Variants in RABGAP1L observed in about 807,000 individuals in gnomAD.
RABGAP1L encodes rab GTPase-activating protein 1-like.
RABGAP1L carries 63 observed loss-of-function variants against 137.7 expected under a neutral mutation model. The observed-to-expected ratio is 0.46, with a 90% CI of 0.37 to 0.56. The LOEUF is 0.56. RABGAP1L is among the 20% of genes least tolerant of loss of function. The pLI is 0.00. For missense variants in RABGAP1L, 1,095 were observed against 1,244.0 expected, an observed-to-expected ratio of 0.88 and a Z score of 1.80; for synonymous variants, 431 against 433.7, an observed-to-expected ratio of 0.99 and a Z score of 0.08.
intron 19 of RABGAP1L, among the ~76,000 whole-genome samples, chr1:174,948,390 C>T (rs948593643): frequency 4.7e-5 from 7 of 149,784 alleles, no homozygotes; most frequent in Non-Finnish European, 8.9e-5. Flanking sequence ...GGTATGGTGG[C>T]GGGTGCTTGT....
chr1:174,479,999 T>G (rs1658922357), intron 13 of RABGAP1L, among the ~76,000 whole-genome samples: 1 of 152,212 alleles, frequency 6.6e-6, no homozygotes, highest in Admixed American at 6.5e-5. Context: ...GTTCTCATGT[T>G]TTTTGTTGAA....
chr1:174,976,224 T>C, intron 22 of RABGAP1L, 42 bp downstream of exon 22: 1 of 1,441,592 alleles, frequency 6.9e-7, no homozygotes, highest in African/African-American at 1.4e-5. Flanking sequence ...CAAAGGTATG[T>C]TGGTAGGGAA....
At chr1:174,195,798 T>C (rs868678251) in intron 1 of RABGAP1L, among the ~76,000 whole-genome samples, 2 of 128,610 alleles carry the variant, frequency 1.6e-5, no homozygotes, top group African/African-American at 5.3e-5. Flanking sequence ...TCTTTCTTTC[T>C]TTCTTTCTTT....
intron 17 of RABGAP1L, among the ~76,000 whole-genome samples, chr1:174,714,063 CA>C (rs1446068319): frequency 6.6e-6 from 1 of 152,162 alleles, no homozygotes; most frequent in Non-Finnish European, 1.5e-5. Context: ...CAGTGGTATC[CA>C]AAGGTCAGCC....
intron 7 of RABGAP1L, among the ~76,000 whole-genome samples, chr1:174,269,689 G>C (rs189355788): frequency 6.6e-6 from 1 of 152,288 alleles, no homozygotes; most frequent in African/African-American, 2.4e-5. Context: ...AGTGAAGTCA[G>C]CTATTCACTA....
intron 18 of RABGAP1L, among the ~76,000 whole-genome samples, chr1:174,772,355 A>G (rs1366615308): frequency 1.3e-5 from 2 of 152,024 alleles, no homozygotes; most frequent in African/African-American, 4.8e-5. Flanking sequence ...AGGTGGGTGG[A>G]TCACCTGAGG....
At position 174,463,759 on chromosome 1, in the gene RABGAP1L, ACAATGAGATACCATCTCACAC is replaced by A. The variant is rs543203596; in HGVS notation, c.1710+69617_1710+69637del. Among the ~76,000 whole-genome samples the A allele has an allele frequency of 9.8e-4, 149 of 152,222 alleles. 1 individual carries two copies. Among genetic ancestry groups the A allele is most frequent in the African/African-American group, 3.3e-3 (139 of 41,550 alleles). ...CATTAGAGAAGTGCAAATCAAAACC[ACAATGAGATACCATCTCACAC>A]CAGTCAGAGTGGCTATTACTAAAAA... On this transcript the variant is annotated intron_variant, in intron 13 of 25. Coordinates refer to ENST00000681986, the MANE Select transcript of RABGAP1L (RefSeq NM_001366446.1).
intron 13 of RABGAP1L, among the ~76,000 whole-genome samples, chr1:174,634,780 A>G (rs1673792828): frequency 6.8e-6 from 1 of 146,454 alleles, no homozygotes; most frequent in Admixed American, 6.7e-5. Flanking sequence ...AACTATTGCA[A>G]GAACAAAAAA....
intron 13 of RABGAP1L, among the ~76,000 whole-genome samples, chr1:174,512,514 A>C (rs1253623018): frequency 6.6e-6 from 1 of 152,254 alleles, no homozygotes; most frequent in Non-Finnish European, 1.5e-5. Context: ...ACTAAAATTT[A>C]CATGTTATAC....
At chr1:174,674,035 A>C (rs1677383597) in intron 14 of RABGAP1L, among the ~76,000 whole-genome samples, 1 of 151,976 alleles carries the variant, frequency 6.6e-6, no homozygotes, top group Admixed American at 6.6e-5. Flanking sequence ...ATTTGTAATA[A>C]AATAAATTGT....
intron 7 of RABGAP1L, among the ~76,000 whole-genome samples, chr1:174,265,539 GT>G: frequency 8.0e-6 from 1 of 125,006 alleles, no homozygotes; most frequent in East Asian, 2.2e-4. Context: ...GCTGGAGCCT[GT>G]CTTGAAAAAA....
At chr1:174,737,192 G>C (rs976781586) in intron 17 of RABGAP1L, among the ~76,000 whole-genome samples, 1 of 151,994 alleles carries the variant, frequency 6.6e-6, no homozygotes, top group Non-Finnish European at 1.5e-5. Context: ...TTAAATATAG[G>C]TTCCAGTTTT....
At chr1:174,306,928 C>T (rs1235074843) in intron 11 of RABGAP1L, among the ~76,000 whole-genome samples, 2 of 152,092 alleles carry the variant, frequency 1.3e-5, no homozygotes, top group East Asian at 3.8e-4. Context: ...AAAAAAGCAT[C>T]TTAGAATTCT....
intron 12 of RABGAP1L, among the ~76,000 whole-genome samples, chr1:174,386,395 A>G (rs1382714987): frequency 6.6e-6 from 1 of 152,210 alleles, no homozygotes; most frequent in Non-Finnish European, 1.5e-5. Context: ...GCCAATAAGT[A>G]ATTTGCCCAT....
chr1:174,255,873 G>A (rs890483100), intron 7 of RABGAP1L, among the ~76,000 whole-genome samples: 2 of 152,168 alleles, frequency 1.3e-5, no homozygotes, highest in African/African-American at 4.8e-5. Flanking sequence ...ACACACAGTT[G>A]TTTTCCTGAA....
At chr1:174,838,140 G>GTT (rs1365902176) in intron 19 of RABGAP1L, among the ~76,000 whole-genome samples, 2 of 152,176 alleles carry the variant, frequency 1.3e-5, no homozygotes, top group Non-Finnish European at 2.9e-5. Context: ...GTGATTACGT[G>GTT]TAAGTATAAA....
At chr1:174,505,185 A>G (rs894069586) in intron 13 of RABGAP1L, among the ~76,000 whole-genome samples, 2 of 152,182 alleles carry the variant, frequency 1.3e-5, no homozygotes, top group African/African-American at 4.8e-5. Flanking sequence ...GGAAAGCTCT[A>G]CAAGCAGAAT....
At chr1:174,708,891 C>T (rs1229512867) in intron 17 of RABGAP1L, among the ~76,000 whole-genome samples, 1 of 152,192 alleles carries the variant, frequency 6.6e-6, no homozygotes, top group Non-Finnish European at 1.5e-5. Context: ...AGAACCTACC[C>T]CCATGGCATC....
intron 13 of RABGAP1L, among the ~76,000 whole-genome samples, chr1:174,506,554 A>G (rs555124866): frequency 1.3e-5 from 2 of 152,364 alleles, no homozygotes; most frequent in East Asian, 3.9e-4. Flanking sequence ...TTCCATTTAC[A>G]ATAGCTACAA....
Sources: allele counts gnomAD v4.1 joint callset (sites outside exome capture counted in the v4.1 genomes callset), GRCh38; gene constraint gnomAD v4.1.1; transcripts MANE v1.5; gene names NCBI Gene and HGNC (gene_info 2026-07-23, HGNC 2026-07-21).